The following ZNF777 variants were observed in gnomAD, a reference collection of about 807,000 sequenced individuals.
ZNF777 encodes zinc finger protein 777.
Under a neutral mutation model 72.1 loss-of-function variants are expected in ZNF777, and 7 were observed. The ratio of observed to expected loss-of-function variants is 0.10; its 90% CI spans 0.06 to 0.18. ZNF777 has a LOEUF of 0.18. Ranked by LOEUF, ZNF777 falls within the 10% of genes least tolerant of loss-of-function variation. The probability of loss-of-function intolerance (pLI) is 1.00; values close to 1 mark genes in which losing one functional copy is unlikely to be tolerated. For synonymous variants in ZNF777, 545 were observed against 483.5 expected (o/e 1.13, Z -1.67); for missense variants, 828 against 1,128.6 (o/e 0.73, Z 3.82).
At chr7:149,459,301 G>C (rs1273054877) in intron 1 of ZNF777, among the ~76,000 whole-genome samples, 2 of 152,184 alleles carry the variant, frequency 1.3e-5, no homozygotes, top group African/African-American at 4.8e-5. Context: ...GGGAGGATCT[G>C]AGGGATGATT....
chr7:149,454,355 G>A lies in ZNF777; in HGVS notation c.847-118C>T, dbSNP rs1243961083. 9.8e-6 allele frequency: 13 copies of A among 1,327,674 alleles called. 1 individual carries two copies. The South Asian group carries it at 1.5e-4, about 15-fold the overall frequency. The allele number at this position is 1,327,674 out of a possible 1,614,324, so 82.2% of individuals were successfully genotyped here. A position where few individuals can be genotyped will look rare whatever the true frequency, so the allele number is the denominator to read the frequency against. On this transcript the variant is annotated intron_variant, in intron 2 of 5. Coordinates refer to ENST00000247930, the MANE Select transcript of ZNF777 (RefSeq NM_015694.3). ...GCCTTCACCTAGGACTTTTCTAGAA[G>A]TCTGGCCACTGTCCTGGCCCCAAAG...
intron 4 of ZNF777, among the ~76,000 whole-genome samples, chr7:149,437,333 G>A (rs1341954179): frequency 4.6e-5 from 7 of 152,008 alleles, no homozygotes; most frequent in South Asian, 2.1e-4. Flanking sequence ...CCAGCCAACC[G>A]GTACAGTTAA....
At position 149,431,652 on chromosome 7, in the gene ZNF777, G is replaced by T; in HGVS notation, c.*124C>A. 1 of 889,496 alleles carries T rather than the reference G, an allele frequency of 1.1e-6. No homozygotes were observed. The highest frequency in any genetic ancestry group is 1.5e-6 in the Non-Finnish European group (1 of 666,792). The allele number at this position is 889,496 out of a possible 1,614,324, so 55.1% of individuals were successfully genotyped here. On this transcript the variant is annotated 3_prime_UTR_variant, in exon 6 of 6. Transcript: ENST00000247930. ...CCTTGGGAGGAGGGACGAGAGGAGA[G>T]GGGGAGCTCACGGCAAAGGGGCTGG...
Position 149,432,344 on chromosome 7 carries a change from C to T in ZNF777, c.1928G>A (p.Ser643Asn), listed in dbSNP as rs762456375. ...PKPYKCPECD[S>N]SFSHKSSLTK... The stretch of plus-strand genomic sequence containing the variant: ...CAGGCTGGACTTGTGGCTGAAGCTG[C>T]TGTCGCACTCGGGGCACTTGTAGGG... The change falls in exon 6 of 6, where the codon AGC becomes AAC. Residue 643 changes from serine (S) to asparagine (N), a missense_variant. Transcript: ENST00000247930. 1 of 1,609,736 alleles carries T rather than the reference C, an allele frequency of 6.2e-7. No individual in the cohort carries two copies. Among genetic ancestry groups the T allele is most frequent in the South Asian group, 1.1e-5 (1 of 91,016 alleles).
At chr7:149,451,239 C>A in intron 3 of ZNF777, 127 bp from the exon 4 acceptor site, 1 of 751,556 alleles carries the variant, frequency 1.3e-6, no homozygotes, top group East Asian at 2.7e-5. Flanking sequence ...GGAAAACCGC[C>A]AAGTCTCCCC....
Position 149,460,791 on chromosome 7 carries a change from C to T in ZNF777, c.-16+24G>A, listed in dbSNP as rs1465013647. 1 of 152,210 alleles carries T rather than the reference C, an allele frequency of 6.6e-6. No homozygotes were observed. Among genetic ancestry groups the T allele is most frequent in the Non-Finnish European group, 1.5e-5 (1 of 68,066 alleles). 9.4% of individuals were successfully genotyped at this position (152,210 alleles called of 1,614,324 possible). A position where few individuals can be genotyped will look rare whatever the true frequency, so the allele number is the denominator to read the frequency against. On this transcript the variant is annotated intron_variant, in intron 1 of 5. Transcript: ENST00000247930. The surrounding 1 kb of genome is among the most constrained non-coding windows in gnomAD (Gnocchi z 6.1). ...GGCCGAACCGCCGGGGCCTCCCACC[C>T]TCCAGGACCCTCCGGCCTCTCACCT...
In ZNF777 at chr7:149,455,871, G is replaced by T. The variant is rs1002092640; in HGVS notation, c.152C>A (p.Pro51His). 6.2e-7 allele frequency: 1 copy of T among 1,613,960 alleles called. No homozygotes were observed. ...AGTTTGGGGCAGGGAGCCTTGACGG[G>T]GAATGGTGGGAGACAAAGAAGGAAT... ...KEIPSLSPTI[P>H]RQGSLPQTSS... The change falls in exon 2 of 6, where the codon CCC becomes CAC. Residue 51 changes from proline (P) to histidine (H), a missense_variant. Physicochemically the swap from Pro to His is moderately conservative, Grantham distance 77. This residue lies in a region of ZNF777 where 222 missense variants were observed against 211.2 expected (regional missense o/e 1.05). Transcript: ENST00000247930. The surrounding 1 kb of genome is among the most constrained non-coding windows in gnomAD (Gnocchi z 4.2).
chr7:149,437,888 C>CT (rs1162859706), intron 4 of ZNF777, among the ~76,000 whole-genome samples: 17 of 121,836 alleles, frequency 1.4e-4, no homozygotes, highest in South Asian at 5.7e-4. Context: ...AAACCAATTT[C>CT]TTTTTTTTTT....
At chr7:149,437,958 C>T (rs1157254206) in intron 4 of ZNF777, among the ~76,000 whole-genome samples, 1 of 151,912 alleles carries the variant, frequency 6.6e-6, no homozygotes, top group Non-Finnish European at 1.5e-5. Flanking sequence ...CGGTTCACTG[C>T]AAGCTCCGCC....
rs1425447182 is a variant in ZNF777, at chr7:149,455,198, G to A, written c.825C>T (p.Gly275=). The A allele has an allele frequency of 1.2e-6, 2 of 1,613,230 alleles. No individual in the cohort carries two copies. Among genetic ancestry groups the A allele is most frequent in the South Asian group, 1.1e-5 (1 of 91,020 alleles). The change falls in exon 2 of 6, where the codon GGC becomes GGT. Residue 275 remains glycine (G), a synonymous_variant. Coordinates refer to ENST00000247930, the MANE Select transcript of ZNF777 (RefSeq NM_015694.3). The surrounding 1 kb of genome is among the most constrained non-coding windows in gnomAD (Gnocchi z 4.2). The part of the protein sequence containing the change: ...RNFWILRLPP[G]SNGEVPKVPV... ...TTACCTTGGGAACTTCTCCATTGCTGCCGGGGGGCAGCCGCAGGATCCAGA... is the reference window on the plus strand; with the variant it reads ...TTACCTTGGGAACTTCTCCATTGCTACCGGGGGGCAGCCGCAGGATCCAGA...
chr7:149,443,114 C>T (rs758761650), intron 4 of ZNF777, among the ~76,000 whole-genome samples: 10 of 151,990 alleles, frequency 6.6e-5, no homozygotes, highest in East Asian at 1.9e-4. Context: ...TTTACTGAGG[C>T]GCTGAAACTT....
At chr7:149,454,603 T>C (rs1799784916) in intron 2 of ZNF777, among the ~76,000 whole-genome samples, 1 of 152,156 alleles carries the variant, frequency 6.6e-6, no homozygotes, top group Non-Finnish European at 1.5e-5. Context: ...GAGTCTGTTT[T>C]CTCCCTACAT....
At chr7:149,443,272 A>G (rs1036275839) in intron 4 of ZNF777, among the ~76,000 whole-genome samples, 3 of 152,236 alleles carry the variant, frequency 2.0e-5, no homozygotes, top group African/African-American at 7.2e-5. Context: ...TTGAAAAAAG[A>G]AACTTGCCAA....
At chr7:149,441,678 A>G (rs558445218) in intron 4 of ZNF777, among the ~76,000 whole-genome samples, 2 of 152,318 alleles carry the variant, frequency 1.3e-5, no homozygotes, top group African/African-American at 4.8e-5. Context: ...GGGAAATCCT[A>G]TAAGTTGTTT....
At chr7:149,434,048 T>C (rs1200481161) in intron 5 of ZNF777, among the ~76,000 whole-genome samples, 1 of 148,822 alleles carries the variant, frequency 6.7e-6, no homozygotes, top group Non-Finnish European at 1.5e-5. Flanking sequence ...CCTTTTTTTT[T>C]CATGAGCACA....
In ZNF777 at chr7:149,431,583, G is replaced by C. The variant is rs1799305282; in HGVS notation, c.*193C>G. 2 of 587,926 alleles carry C rather than the reference G, an allele frequency of 3.4e-6. No individual in the cohort carries two copies. Among genetic ancestry groups the C allele is most frequent in the Admixed American group, 2.7e-5 (1 of 37,226 alleles). 36.4% of individuals were successfully genotyped at this position (587,926 alleles called of 1,614,324 possible). On this transcript the variant is annotated 3_prime_UTR_variant, in exon 6 of 6. Coordinates refer to ENST00000247930, the MANE Select transcript of ZNF777 (RefSeq NM_015694.3). The stretch of plus-strand genomic sequence containing the variant: ...CCGCGCCCTCCCCCCTGGGGCCCCC[G>C]GGGAAACGCGGCAGCAAGGGACCTG...
intron 4 of ZNF777, among the ~76,000 whole-genome samples, chr7:149,439,602 C>T (rs1168296869): frequency 2.0e-5 from 3 of 152,140 alleles, no homozygotes; most frequent in Non-Finnish European, 1.5e-5. Context: ...TCACCTTGAA[C>T]TTCTATTTCT....
intron 4 of ZNF777, among the ~76,000 whole-genome samples, chr7:149,437,901 A>G (rs1799446069): frequency 1.4e-5 from 2 of 141,102 alleles, no homozygotes; most frequent in Admixed American, 7.4e-5. Context: ...TTTTTTTTAG[A>G]CGGAGTCTCG....
chr7:149,440,401 G>A (rs1207831149), intron 4 of ZNF777, among the ~76,000 whole-genome samples: 4 of 152,022 alleles, frequency 2.6e-5, no homozygotes, highest in Non-Finnish European at 5.9e-5. Flanking sequence ...GCTCTGTTGC[G>A]TAGGCTGGAG....
Sources: allele counts gnomAD v4.1 joint callset (sites outside exome capture counted in the v4.1 genomes callset), GRCh38; gene constraint gnomAD v4.1.1; regional missense constraint gnomAD v4.1.1; non-coding constraint Gnocchi (gnomAD v3.1); transcripts MANE v1.5; gene names NCBI Gene and HGNC (gene_info 2026-07-23, HGNC 2026-07-21).